Variants in ATP13A4 observed in about 807,000 individuals in gnomAD.
The protein encoded by ATP13A4 is probable cation-transporting ATPase 13A4.
Under a neutral mutation model 142.5 loss-of-function variants are expected in ATP13A4, and 114 were observed. The observed-to-expected ratio is 0.80, with a 90% confidence interval of 0.69 to 0.93. ATP13A4 has a LOEUF of 0.93. Among genes scored for constraint, ATP13A4 ranks in the 40% least tolerant of loss-of-function variants. The pLI, the probability that ATP13A4 is intolerant of heterozygous loss-of-function variation, is 0.00. For synonymous variants in ATP13A4, 488 were observed against 514.8 expected, an observed-to-expected ratio of 0.95 and a Z score of 0.70; for missense variants, 1,392 against 1,454.0, an observed-to-expected ratio of 0.96 and a Z score of 0.69.
chr3:193,519,360 C>T (rs145085131), intron 1 of ATP13A4, among the ~76,000 whole-genome samples: 1 of 152,152 alleles, frequency 6.6e-6, no homozygotes. Flanking sequence ...GATCTACCAC[C>T]TGCCTTCCTC....
rs111874379 is a variant in ATP13A4, at chr3:193,451,303, G to A, written c.2027+2798C>T. ...ATTAGGCCAAGAAAATGGCTGCAGG[G>A]TCAAACATCTGCCATAGCCTATAGC... On this transcript the variant is annotated intron_variant, in intron 17 of 29. Coordinates refer to ENST00000342695, the MANE Select transcript of ATP13A4 (RefSeq NM_032279.4). 1.2e-3 allele frequency among the ~76,000 whole-genome samples: 190 copies of A among 152,328 alleles called. No homozygotes were observed. In the Middle Eastern group the frequency reaches 0.014, roughly 11 times the overall value.
intron 21 of ATP13A4, chr3:193,440,066 G>C (rs1716533137): frequency 5.6e-6 from 1 of 177,370 alleles, no homozygotes; most frequent in Non-Finnish European, 1.2e-5. Flanking sequence ...TGTGTTAGAA[G>C]AGAATGATTT....
chr3:193,586,563 T>C (rs1724676297), intron 1 of ATP13A4, among the ~76,000 whole-genome samples: 1 of 152,260 alleles, frequency 6.6e-6, no homozygotes, highest in African/African-American at 2.4e-5. Flanking sequence ...AGTATGTGTA[T>C]AGTATACATT....
rs1430457134 is a variant in ATP13A4, at chr3:193,471,093, CA to C, written c.809-101del. The C allele has an allele frequency of 1.1e-4, 165 of 1,508,438 alleles. No homozygotes were observed. The African/African-American group carries it at 2.1e-3, about 19-fold the overall frequency. The allele number at this position is 1,508,438 out of a possible 1,614,324, so 93.4% of individuals were successfully genotyped here. ...GATATCAATGAAAAAGCAACCAAGA[CA>C]TTTTTTTTTTAGAAAGGAGAACATT... On this transcript the variant is annotated intron_variant, in intron 8 of 29. Coordinates refer to ENST00000342695, the MANE Select transcript of ATP13A4 (RefSeq NM_032279.4).
intron 21 of ATP13A4, 56 bp downstream of exon 21, chr3:193,440,502 C>G (rs1267970858): frequency 1.2e-6 from 2 of 1,610,932 alleles, no homozygotes; most frequent in Non-Finnish European, 8.5e-7. Flanking sequence ...CTTCCACTCC[C>G]CCTGACTGTT....
In ATP13A4 at chr3:193,467,323, C is replaced by T. The variant is rs937080309; in HGVS notation, c.1107G>A (p.Leu369=). Residue 369 remains leucine, a synonymous_variant, in exon 10 of 30, where the codon CTG becomes CTA. Coordinates refer to ENST00000342695, the MANE Select transcript of ATP13A4 (RefSeq NM_032279.4). ...AAAGGAGGGGATGCTAACCAGTCTG[C>T]AGTACCACGGCTCTCACGGTCCCAG... ...ACSGTVRAVV[L]QTGFNTAKGD... 6.2e-7 allele frequency: 1 copy of T among 1,614,068 alleles called. No homozygotes were observed. Among genetic ancestry groups the T allele is most frequent in the African/African-American group, 1.3e-5 (1 of 74,920 alleles).
rs76301697 is a variant in ATP13A4 at position 193,444,941 on chromosome 3, T to C, written c.2153-2385A>G. On this transcript the variant is annotated intron_variant, in intron 18 of 29. Coordinates refer to ENST00000342695, the MANE Select transcript of ATP13A4 (RefSeq NM_032279.4). ...AGCAGGCCCCTGACAGCCTGTCTGC[T>C]TTTTGCCCTCTACCACCTGTCAGAG... 2.5e-3 allele frequency among the ~76,000 whole-genome samples: 377 copies of C among 152,292 alleles called. 1 individual carries two copies. The highest frequency in any genetic ancestry group is 4.4e-3 in the Non-Finnish European group (296 of 68,014).
At chr3:193,528,662 T>G (rs1403803428) in intron 1 of ATP13A4, among the ~76,000 whole-genome samples, 1 of 152,174 alleles carries the variant, frequency 6.6e-6, no homozygotes, top group Non-Finnish European at 1.5e-5. Flanking sequence ...ACAATTACAA[T>G]GTTATCTCAG....
At chr3:193,425,213 A>C in intron 25 of ATP13A4, among the ~76,000 whole-genome samples, 1 of 151,698 alleles carries the variant, frequency 6.6e-6, no homozygotes, top group South Asian at 2.1e-4. Context: ...AAAAATAATA[A>C]ATATTAGTGA....
At chr3:193,515,482 T>C (rs1721356312) in intron 1 of ATP13A4, among the ~76,000 whole-genome samples, 1 of 152,188 alleles carries the variant, frequency 6.6e-6, no homozygotes, top group African/African-American at 2.4e-5. Flanking sequence ...CAGCTTGCCC[T>C]TGGGAGTTTG....
rs769731352 is a variant in ATP13A4 at position 193,502,451 on chromosome 3, T to A, written c.381+42A>T. On this transcript the variant is annotated intron_variant, in intron 3 of 29. Coordinates refer to ENST00000342695, the MANE Select transcript of ATP13A4 (RefSeq NM_032279.4). ...AACTATATACTTGAGGGGAAAAAGA[T>A]TAAATCTCTCTGACATCAGCAGTAG... The A allele has an allele frequency of 3.7e-6, 6 of 1,601,704 alleles. No individual in the cohort carries two copies. In the African/African-American group the frequency reaches 8.0e-5, roughly 21 times the overall value.
At chr3:193,471,689 C>A (rs190044217) in intron 8 of ATP13A4, among the ~76,000 whole-genome samples, 33 of 152,092 alleles carry the variant, frequency 2.2e-4, no homozygotes, top group Middle Eastern at 3.4e-3. Flanking sequence ...CACACACACA[C>A]ACACAAACAC....
chr3:193,516,718 G>A (rs1052026263), intron 1 of ATP13A4, among the ~76,000 whole-genome samples: 9 of 151,964 alleles, frequency 5.9e-5, no homozygotes, highest in Non-Finnish European at 8.8e-5. Flanking sequence ...CCAGTCAGTT[G>A]AGCCCCCATG....
intron 2 of ATP13A4, among the ~76,000 whole-genome samples, chr3:193,571,626 A>G (rs1036069057): frequency 2.6e-5 from 4 of 152,178 alleles, no homozygotes; most frequent in Admixed American, 6.5e-5. Flanking sequence ...TCTTCCTCCC[A>G]AAAACCTACA....
At chr3:193,538,347 A>G (rs1722695597) in intron 1 of ATP13A4, among the ~76,000 whole-genome samples, 1 of 152,148 alleles carries the variant, frequency 6.6e-6, no homozygotes, top group Non-Finnish European at 1.5e-5. Context: ...TGGTTGTGTA[A>G]AGGTCCATGT....
At chr3:193,588,488 T>G (rs1291997179) in intron 1 of ATP13A4, among the ~76,000 whole-genome samples, 3 of 152,204 alleles carry the variant, frequency 2.0e-5, no homozygotes, top group Non-Finnish European at 4.4e-5. Flanking sequence ...TTCATTTAGC[T>G]TTTCATTGTT....
At chr3:193,448,681 CCT>C (rs1454044231) in intron 17 of ATP13A4, among the ~76,000 whole-genome samples, 1 of 152,160 alleles carries the variant, frequency 6.6e-6, no homozygotes, top group Non-Finnish European at 1.5e-5. Context: ...GAAAAAGACC[CCT>C]GTCATAGTGG....
chr3:193,474,253 A>G (rs1282911602), intron 8 of ATP13A4, among the ~76,000 whole-genome samples: 2 of 131,336 alleles, frequency 1.5e-5, no homozygotes, highest in Non-Finnish European at 3.1e-5. Flanking sequence ...CAGGAAGCAG[A>G]GGTTGCAGTG....
At chr3:193,592,490 C>T (rs1724850458) in intron 1 of ATP13A4, among the ~76,000 whole-genome samples, 1 of 152,132 alleles carries the variant, frequency 6.6e-6, no homozygotes, top group Non-Finnish European at 1.5e-5. Flanking sequence ...GTGCTCAGCA[C>T]TAGGCATCTG....
Sources: allele counts gnomAD v4.1 joint callset (sites outside exome capture counted in the v4.1 genomes callset), GRCh38; gene constraint gnomAD v4.1.1; transcripts MANE v1.5; gene names NCBI Gene and HGNC (gene_info 2026-07-23, HGNC 2026-07-21).